TAPT1: variants seen among roughly 807,000 people sequenced by gnomAD.
TAPT1 encodes the protein transmembrane anterior posterior transformation protein 1 homolog.
A neutral mutation model predicts 65.6 loss-of-function variants in TAPT1; 28 were observed. The observed-to-expected ratio is 0.43, with a 90% CI of 0.32 to 0.59. The LOEUF (loss-of-function observed/expected upper bound fraction) is 0.59, where lower values mean the gene tolerates loss of function less well. TAPT1 is among the 20% of genes least tolerant of loss of function. The pLI, the probability that TAPT1 is intolerant of heterozygous loss-of-function variation, is 0.09. For missense variants in TAPT1, 563 were observed against 679.9 expected, an observed-to-expected ratio of 0.83 and a Z score of 1.91; for synonymous variants, 278 against 245.2, an observed-to-expected ratio of 1.13 and a Z score of -1.25.
chr4:16,208,421 T>C lies in TAPT1; in HGVS notation c.330+5347A>G, dbSNP rs375796199. On this transcript the variant is annotated intron_variant, in intron 2 of 13. Transcript: ENST00000405303. ...GCTGGGAATGGCTATGTAGCTCAGT[T>C]TGGACAATAAGACAGAAGTGGAAGT... is the stretch of plus-strand genomic sequence containing the variant. 2.6e-5 allele frequency among the ~76,000 whole-genome samples: 4 copies of C among 152,206 alleles called. No homozygotes were observed. The East Asian group carries it at 5.8e-4, about 22-fold the overall frequency.
At chr4:16,191,253 C>T in intron 4 of TAPT1, 108 bp downstream of exon 4, 1 of 1,175,586 alleles carries the variant, frequency 8.5e-7, no homozygotes, top group Non-Finnish European at 1.2e-6. Context: ...GCCAGAAGCA[C>T]CATAACTAGA....
chr4:16,225,647 T>C (rs928609654), intron 1 of TAPT1, among the ~76,000 whole-genome samples: 2 of 152,216 alleles, frequency 1.3e-5, no homozygotes, highest in Non-Finnish European at 2.9e-5. Context: ...GTAGGATTCA[T>C]AAGTACACAT....
At position 16,221,765 on chromosome 4, in the gene TAPT1, A is replaced by T. The variant is rs1751269562; in HGVS notation, c.199+4494T>A. On this transcript the variant is annotated intron_variant, in intron 1 of 13. Coordinates refer to ENST00000405303, the MANE Select transcript of TAPT1 (RefSeq NM_153365.3). The stretch of plus-strand genomic sequence containing the variant: ...AAACATGCATATCTCCATAGTCTTA[A>T]ATAACATAAAACTTTAGTAAACTTT... Among the ~76,000 whole-genome samples the T allele has an allele frequency of 2.6e-5, 4 of 152,342 alleles. No individual in the cohort carries two copies. In the South Asian group the frequency reaches 8.3e-4, roughly 32 times the overall value.
At chr4:16,192,043 A>G (rs1227436812) in intron 3 of TAPT1, among the ~76,000 whole-genome samples, 1 of 152,248 alleles carries the variant, frequency 6.6e-6, no homozygotes, top group Non-Finnish European at 1.5e-5. Context: ...CGTATAACTG[A>G]CAGATTTCTA....
At chr4:16,194,675 A>G (rs1749583453) in intron 3 of TAPT1, among the ~76,000 whole-genome samples, 1 of 152,154 alleles carries the variant, frequency 6.6e-6, no homozygotes, top group African/African-American at 2.4e-5. Flanking sequence ...ATTATGATAT[A>G]TATACGATAT....
Position 16,161,447 on chromosome 4 carries a change from C to T in TAPT1, c.*1861G>A, listed in dbSNP as rs1220278926. On this transcript the variant is annotated 3_prime_UTR_variant, in exon 14 of 14. Transcript: ENST00000405303. ...TGGAAATCTTCTGAAAATGACAGCG[C>T]AGTAACAGAATAATTCAAGCGGAAC... The T allele has an allele frequency of 6.6e-6, 1 of 152,582 alleles. No homozygotes were observed. Among genetic ancestry groups the T allele is most frequent in the East Asian group, 1.9e-4 (1 of 5,198 alleles). 9.5% of individuals were successfully genotyped at this position (152,582 alleles called of 1,614,324 possible). A position where few individuals can be genotyped will look rare whatever the true frequency, so the allele number is the denominator to read the frequency against.
At chr4:16,168,860 G>C (rs751022430) in intron 12 of TAPT1, among the ~76,000 whole-genome samples, 1 of 152,260 alleles carries the variant, frequency 6.6e-6, no homozygotes, top group Non-Finnish European at 1.5e-5. Flanking sequence ...ACTGGGCAGA[G>C]AGCAGTAACG....
At chr4:16,215,352 G>C (rs1443183148) in intron 1 of TAPT1, among the ~76,000 whole-genome samples, 1 of 152,036 alleles carries the variant, frequency 6.6e-6, no homozygotes, top group African/African-American at 2.4e-5. Context: ...AGACTTAGAA[G>C]CCAACTTGAC....
At chr4:16,226,862 G>C (rs971017710), upstream of TAPT1, 7 of 228,520 alleles carry the variant, frequency 3.1e-5, no homozygotes, top group Non-Finnish European at 4.3e-5. Context: ...GTGGAGCCCC[G>C]GAGAGGCGGC....
intron 3 of TAPT1, among the ~76,000 whole-genome samples, chr4:16,200,312 C>G (rs73130439): frequency 6.6e-6 from 1 of 152,022 alleles, no homozygotes; most frequent in African/African-American, 2.4e-5. Flanking sequence ...AAAAGCCCTA[C>G]ATAGTATTAG....
At chr4:16,197,263 T>C (rs1212972653) in intron 3 of TAPT1, among the ~76,000 whole-genome samples, 6 of 152,162 alleles carry the variant, frequency 3.9e-5, no homozygotes, top group Non-Finnish European at 2.9e-5. Flanking sequence ...GGACAGAACA[T>C]TTGCTCACAC....
At chr4:16,223,226 T>C (rs1463382757) in intron 1 of TAPT1, among the ~76,000 whole-genome samples, 4 of 152,206 alleles carry the variant, frequency 2.6e-5, no homozygotes, top group African/African-American at 9.7e-5. Context: ...TAGTCCAAAG[T>C]TGATTTGCTG....
Position 16,194,957 on chromosome 4 carries a change from C to T in TAPT1, c.450-3434G>A, listed in dbSNP as rs1175543017. Among the ~76,000 whole-genome samples the T allele has an allele frequency of 3.3e-5, 5 of 152,090 alleles. No individual in the cohort carries two copies. The East Asian group carries it at 9.7e-4, about 29-fold the overall frequency. ...ATGTTGGCCAGGATGGTCTTGAACT[C>T]CTGACCTCAGGTGATCCACCGGCCT... is the stretch of plus-strand genomic sequence containing the variant. On this transcript the variant is annotated intron_variant, in intron 3 of 13. Coordinates refer to ENST00000405303, the MANE Select transcript of TAPT1 (RefSeq NM_153365.3).
In TAPT1 at chr4:16,166,762, C is replaced by A. The variant is rs1010156933; in HGVS notation, c.1345G>T (p.Val449Leu). 1 of 1,613,858 alleles carries A rather than the reference C, an allele frequency of 6.2e-7. No homozygotes were observed. The highest frequency in any genetic ancestry group is 2.2e-5 in the East Asian group (1 of 44,880). Residue 449 changes from valine (V) to leucine (L), a missense_variant, in exon 13 of 14, where the codon GTG becomes TTG. Around this residue, in one of 5 missense-constraint regions of TAPT1, gnomAD observed 136 missense variants for 153.9 expected, o/e 0.88. Coordinates refer to ENST00000405303, the MANE Select transcript of TAPT1 (RefSeq NM_153365.3). ...LISLKVLNSIVLLGKSCQYVK... is the reference protein window; with the variant it reads ...LISLKVLNSILLLGKSCQYVK... ...TACTGGCACGATTTCCCCAACAGCA[C>A]GATGCTATTAAGTACTTTCAGGGAT...
intron 4 of TAPT1, among the ~76,000 whole-genome samples, chr4:16,188,967 C>T (rs569425857): frequency 1.1e-4 from 16 of 152,156 alleles, no homozygotes; most frequent in African/African-American, 3.6e-4. Context: ...CATGGTTCCT[C>T]TGGTTTTAGC....
At chr4:16,174,423 A>C in intron 10 of TAPT1, 151 bp from the exon 11 acceptor site, 1 of 740,640 alleles carries the variant, frequency 1.4e-6, no homozygotes, top group Non-Finnish European at 2.2e-6. Context: ...GTGGAAATCC[A>C]AATGTTCACA....
At chr4:16,222,421 C>T (rs1047412648) in intron 1 of TAPT1, among the ~76,000 whole-genome samples, 4 of 152,082 alleles carry the variant, frequency 2.6e-5, no homozygotes, top group Non-Finnish European at 4.4e-5. Flanking sequence ...AGTAATTTCC[C>T]GGTTTTATTA....
intron 2 of TAPT1, among the ~76,000 whole-genome samples, chr4:16,208,412 T>C (rs1487281826): frequency 3.3e-5 from 5 of 152,248 alleles, no homozygotes; most frequent in African/African-American, 1.2e-4. Flanking sequence ...AATGGCTATG[T>C]AGCTCAGTTT....
chr4:16,218,557 G>A (rs559652667), intron 1 of TAPT1, among the ~76,000 whole-genome samples: 1 of 152,334 alleles, frequency 6.6e-6, no homozygotes, highest in South Asian at 2.1e-4. Flanking sequence ...GGTACCAGCT[G>A]TCTTAAACAT....
Sources: allele counts gnomAD v4.1 joint callset (sites outside exome capture counted in the v4.1 genomes callset), GRCh38; gene constraint gnomAD v4.1.1; regional missense constraint gnomAD v4.1.1; transcripts MANE v1.5; gene names NCBI Gene and HGNC (gene_info 2026-07-23, HGNC 2026-07-21).